Variants in XRCC5 observed in about 807,000 individuals in gnomAD.
XRCC5 encodes the protein X-ray repair cross complementing 5.
In XRCC5, 12 loss-of-function variants were observed where a neutral mutation model predicts 95.7. The observed-to-expected ratio is 0.13, with a 90% CI of 0.08 to 0.20. XRCC5 has a LOEUF of 0.20. XRCC5 is among the 10% of genes least tolerant of loss of function. The probability of loss-of-function intolerance (pLI) is 1.00; values close to 1 mark genes in which losing one functional copy is unlikely to be tolerated. For missense variants in XRCC5, 595 were observed against 873.9 expected, an observed-to-expected ratio of 0.68 and a Z score of 4.02; for synonymous variants, 281 against 290.3, an observed-to-expected ratio of 0.97 and a Z score of 0.33.
At chr2:216,120,569 T>G (rs902266766) in intron 5 of XRCC5, among the ~76,000 whole-genome samples, 1 of 152,180 alleles carries the variant, frequency 6.6e-6, no homozygotes, top group African/African-American at 2.4e-5. Context: ...GTGTTCTGTT[T>G]TTAATTTATT....
At chr2:216,132,486 A>G in intron 10 of XRCC5, 99 bp downstream of exon 10, 3 of 1,200,984 alleles carry the variant, frequency 2.5e-6, no homozygotes, top group Non-Finnish European at 3.7e-6. Context: ...AATGACATGA[A>G]TTCTTGCAAT....
intron 8 of XRCC5, among the ~76,000 whole-genome samples, chr2:216,129,001 A>C (rs934432966): frequency 6.6e-6 from 1 of 152,228 alleles, no homozygotes; most frequent in Non-Finnish European, 1.5e-5. Context: ...TAATAGGCTA[A>C]GAGTTTATGC....
intron 16 of XRCC5, among the ~76,000 whole-genome samples, chr2:216,177,494 CTGTA>C (rs1342606834): frequency 6.6e-6 from 1 of 152,162 alleles, no homozygotes; most frequent in African/African-American, 2.4e-5. Context: ...TGCTGCAAGA[CTGTA>C]TGTGTTTCTG....
chr2:216,140,483 C>T (rs1163060282), intron 12 of XRCC5, among the ~76,000 whole-genome samples: 1 of 152,138 alleles, frequency 6.6e-6, no homozygotes, highest in Non-Finnish European at 1.5e-5. Context: ...TTTTTATTGA[C>T]TGAGTAGATT....
intron 14 of XRCC5, among the ~76,000 whole-genome samples, chr2:216,152,160 G>A (rs748351740): frequency 3.3e-5 from 5 of 152,254 alleles, no homozygotes; most frequent in South Asian, 2.1e-4. Context: ...TTTGGGGCTC[G>A]GCTCAGTGGC....
At chr2:216,205,158 C>G (rs1171584550) in intron 20 of XRCC5, 30 bp from the exon 21 acceptor site, 1 of 1,613,696 alleles carries the variant, frequency 6.2e-7, no homozygotes, top group Admixed American at 1.7e-5. Flanking sequence ...TGGCCTGATT[C>G]CTTTCTAAGT....
chr2:216,183,864 C>T (rs1478956703), intron 16 of XRCC5, among the ~76,000 whole-genome samples: 1 of 152,070 alleles, frequency 6.6e-6, no homozygotes, highest in African/African-American at 2.4e-5. Flanking sequence ...TTTCCTAGTT[C>T]TCTGTTTCTT....
chr2:216,148,989 A>G (rs975999799), intron 14 of XRCC5, among the ~76,000 whole-genome samples: 5 of 152,204 alleles, frequency 3.3e-5, no homozygotes, highest in African/African-American at 4.8e-5. Context: ...GTTTAGGTCA[A>G]CCAGTTATTG....
At chr2:216,138,211 A>ACT in intron 12 of XRCC5, 32 bp downstream of exon 12, 1 of 1,569,946 alleles carries the variant, frequency 6.4e-7, no homozygotes. Context: ...TCACTCATTG[A>ACT]CTACACACAC....
intron 16 of XRCC5, among the ~76,000 whole-genome samples, chr2:216,179,508 G>C (rs543799510): frequency 1.8e-4 from 28 of 152,294 alleles, no homozygotes; most frequent in African/African-American, 6.7e-4. Flanking sequence ...GGAATGCTGG[G>C]TTGAGATGGG....
intron 1 of XRCC5, 111 bp from the exon 2 acceptor site, chr2:216,112,905 C>A (rs968109186): frequency 2.5e-6 from 2 of 812,476 alleles, no homozygotes; most frequent in Admixed American, 2.4e-5. Flanking sequence ...CCCTTTTTCA[C>A]ACCTTTCCTA....
intron 5 of XRCC5, among the ~76,000 whole-genome samples, 169 bp from the exon 6 acceptor site, chr2:216,121,893 G>C (rs532053256): frequency 6.6e-6 from 1 of 152,300 alleles, no homozygotes; most frequent in African/African-American, 2.4e-5. Flanking sequence ...AAACCAAAGA[G>C]GTTTCAGTCA....
chr2:216,179,265 C>G (rs539876177), intron 16 of XRCC5, among the ~76,000 whole-genome samples: 1 of 152,258 alleles, frequency 6.6e-6, no homozygotes, highest in South Asian at 2.1e-4. Flanking sequence ...CAGGGGAGTT[C>G]TTGTATGTCT....
intron 9 of XRCC5, among the ~76,000 whole-genome samples, chr2:216,132,073 A>T (rs546157323): frequency 1.3e-5 from 2 of 152,202 alleles, no homozygotes; most frequent in Admixed American, 1.3e-4. Context: ...ATATTTATCT[A>T]TTGAAGCTCC....
At position 216,190,296 on chromosome 2, in the gene XRCC5, A is replaced by G. The variant is rs144958007; in HGVS notation, c.1906A>G (p.Ile636Val). ...TGAAACACCGTATTTTATGAAGAGCATAGACTGCATCCGAGCCTTCCGGGA... is the reference window on the plus strand; with the variant it reads ...TGAAACACCGTATTTTATGAAGAGCGTAGACTGCATCCGAGCCTTCCGGGA... Reference protein sequence around the residue: ...TNETPYFMKSIDCIRAFREEA... With the variant: ...TNETPYFMKSVDCIRAFREEA... The change falls in exon 17 of 21, where the codon ATA becomes GTA. Residue 636 changes from isoleucine (I) to valine (V), a missense_variant. Physicochemically the swap from Ile to Val is conservative, Grantham distance 29. This residue lies in a region of XRCC5 where 309 missense variants were observed against 382.9 expected (regional missense o/e 0.81). Coordinates refer to ENST00000392132, the MANE Select transcript of XRCC5 (RefSeq NM_021141.4). 3.0e-5 allele frequency: 48 copies of G among 1,613,958 alleles called. No homozygotes were observed. The highest frequency in any genetic ancestry group is 6.7e-5 in the Admixed American group (4 of 60,002).
At chr2:216,196,108 A>G (rs753849538) in intron 19 of XRCC5, among the ~76,000 whole-genome samples, 4 of 152,138 alleles carry the variant, frequency 2.6e-5, no homozygotes, top group Non-Finnish European at 5.9e-5. Flanking sequence ...AAATTTAAAT[A>G]TCTTCAATTT....
At chr2:216,188,790 A>G (rs1325393188) in intron 16 of XRCC5, among the ~76,000 whole-genome samples, 1 of 152,222 alleles carries the variant, frequency 6.6e-6, no homozygotes, top group Non-Finnish European at 1.5e-5. Flanking sequence ...AAAAAGGTTC[A>G]TCTGAACATT....
chr2:216,177,980 T>G (rs1267989303), intron 16 of XRCC5, among the ~76,000 whole-genome samples: 1 of 152,170 alleles, frequency 6.6e-6, no homozygotes, highest in African/African-American at 2.4e-5. Context: ...TCAGATTTCC[T>G]GAGGGCAGTA....
intron 13 of XRCC5, among the ~76,000 whole-genome samples, chr2:216,147,479 G>A (rs955650317): frequency 6.6e-6 from 1 of 152,212 alleles, no homozygotes; most frequent in Non-Finnish European, 1.5e-5. Context: ...CAGGGATGAG[G>A]TGATAGGGCT....
Sources: gnomAD v4.1 joint callset for allele counts (sites outside exome capture counted in the v4.1 genomes callset) on GRCh38, gnomAD v4.1.1 for gene constraint, gnomAD v4.1.1 regional missense constraint, MANE v1.5 for transcripts, NCBI Gene and HGNC (gene_info 2026-07-23, HGNC 2026-07-21) for gene names.